The following MNAT1 variants were observed in gnomAD, a reference collection of about 807,000 sequenced individuals.
The protein encoded by MNAT1 is MNAT1 component of CDK activating kinase, also known as CDK-activating kinase assembly factor MAT1.
Under a neutral mutation model 42.0 loss-of-function variants are expected in MNAT1, and 43 were observed. That is an observed-to-expected ratio of 1.02 (90% confidence interval 0.80 to 1.32). The LOEUF (loss-of-function observed/expected upper bound fraction) is 1.32. Ranked by LOEUF, MNAT1 falls within the 40% of genes most tolerant of loss-of-function variation. The pLI is 0.00. For synonymous variants in MNAT1, 118 were observed against 120.0 expected, an observed-to-expected ratio of 0.98 and a Z score of 0.11; for missense variants, 306 against 350.4, an observed-to-expected ratio of 0.87 and a Z score of 1.01.
chr14:60,911,956 A>C (rs1000442979), intron 7 of MNAT1, among the ~76,000 whole-genome samples: 1 of 152,032 alleles, frequency 6.6e-6, no homozygotes, highest in East Asian at 1.9e-4. Flanking sequence ...GTGGGAGTCT[A>C]AGTCTCTTTC....
At chr14:60,890,980 T>G (rs769461272) in intron 7 of MNAT1, among the ~76,000 whole-genome samples, 1 of 152,094 alleles carries the variant, frequency 6.6e-6, no homozygotes, top group Non-Finnish European at 1.5e-5. Context: ...AGTTAGGGAG[T>G]GTTTCTTCCT....
At chr14:60,859,618 A>G (rs1031367025) in intron 6 of MNAT1, among the ~76,000 whole-genome samples, 2 of 152,248 alleles carry the variant, frequency 1.3e-5, no homozygotes, top group Non-Finnish European at 2.9e-5. Context: ...ATTTCTTTAA[A>G]CGCACTACTG....
At chr14:60,829,050 T>C (rs2033143989) in intron 6 of MNAT1, among the ~76,000 whole-genome samples, 2 of 152,036 alleles carry the variant, frequency 1.3e-5, no homozygotes, top group Non-Finnish European at 2.9e-5. Flanking sequence ...ATAGCCAAGA[T>C]TGATAAATGA....
intron 6 of MNAT1, among the ~76,000 whole-genome samples, chr14:60,859,987 C>T (rs1355248130): frequency 1.3e-5 from 2 of 152,156 alleles, no homozygotes; most frequent in Admixed American, 1.3e-4. Context: ...CTAGGCTTAA[C>T]TTTAAGAAAG....
At chr14:60,832,283 T>C (rs1002261214) in intron 6 of MNAT1, among the ~76,000 whole-genome samples, 23 of 152,154 alleles carry the variant, frequency 1.5e-4, no homozygotes, top group South Asian at 4.1e-4. Flanking sequence ...ATTACCTAGG[T>C]TTTCTTTCAG....
intron 7 of MNAT1, among the ~76,000 whole-genome samples, chr14:60,923,772 A>G (rs1008764309): frequency 6.6e-6 from 1 of 152,170 alleles, no homozygotes; most frequent in Non-Finnish European, 1.5e-5. Flanking sequence ...TGAGGCCAGG[A>G]GTTTGAGACC....
chr14:60,790,933 G>C (rs1229529014), intron 1 of MNAT1, among the ~76,000 whole-genome samples: 2 of 152,020 alleles, frequency 1.3e-5, no homozygotes, highest in African/African-American at 4.8e-5. Context: ...TTCCATAAAG[G>C]ATTTAAATTT....
chr14:60,929,314 C>T (rs1225606839), intron 7 of MNAT1, among the ~76,000 whole-genome samples: 1 of 150,428 alleles, frequency 6.6e-6, no homozygotes, highest in Admixed American at 6.6e-5. Flanking sequence ...CCAATTTTTT[C>T]TTTTATGGAT....
rs1481541429 is a variant in MNAT1 at position 60,907,278 on chromosome 14, C to G, written c.809+27443C>G. ...TGAAACCTCGTTTCTACTAAAAATACAAAAATTAGCCGGGTGTGGTGGCAC... is the reference window on the plus strand; with the variant it reads ...TGAAACCTCGTTTCTACTAAAAATAGAAAAATTAGCCGGGTGTGGTGGCAC... On this transcript the variant is annotated intron_variant, in intron 7 of 7. Transcript: ENST00000261245. Among the ~76,000 whole-genome samples the G allele has an allele frequency of 3.3e-5, 5 of 151,574 alleles. No individual in the cohort carries two copies. The East Asian group carries it at 7.8e-4, about 24-fold the overall frequency.
At chr14:60,800,951 ACTC>A (rs2032184201) in intron 3 of MNAT1, among the ~76,000 whole-genome samples, 1 of 152,138 alleles carries the variant, frequency 6.6e-6, no homozygotes, top group Non-Finnish European at 1.5e-5. Flanking sequence ...ATAAGCTCAG[ACTC>A]TAAAGGGGGA....
chr14:60,764,604 G>A (rs1212421277), intron 1 of MNAT1, among the ~76,000 whole-genome samples: 1 of 152,148 alleles, frequency 6.6e-6, no homozygotes, highest in Non-Finnish European at 1.5e-5. Flanking sequence ...GAGAGGATTT[G>A]GTGATTCTGT....
chr14:60,767,557 A>C (rs1331153815), intron 1 of MNAT1, among the ~76,000 whole-genome samples: 1 of 152,098 alleles, frequency 6.6e-6, no homozygotes, highest in African/African-American at 2.4e-5. Context: ...TTGATCTTGG[A>C]GGCAAGAACA....
chr14:60,954,856 T>C (rs1202396066), intron 7 of MNAT1, among the ~76,000 whole-genome samples: 2 of 152,056 alleles, frequency 1.3e-5, no homozygotes. Context: ...TATCGTATTT[T>C]ATATATATAT....
intron 7 of MNAT1, among the ~76,000 whole-genome samples, chr14:60,925,238 CA>C (rs2035743463): frequency 6.6e-6 from 1 of 151,910 alleles, no homozygotes; most frequent in South Asian, 2.1e-4. Context: ...CCCTGGTGTC[CA>C]GGGGGGTGAA....
intron 1 of MNAT1, among the ~76,000 whole-genome samples, chr14:60,770,662 T>C (rs2031016267): frequency 6.6e-6 from 1 of 152,188 alleles, no homozygotes; most frequent in Non-Finnish European, 1.5e-5. Context: ...AGCAGTGGGA[T>C]TGTGGGATCA....
intron 7 of MNAT1, among the ~76,000 whole-genome samples, chr14:60,890,737 A>C (rs2034822595): frequency 6.6e-6 from 1 of 152,154 alleles, no homozygotes; most frequent in East Asian, 1.9e-4. Context: ...AGTCTGGAAG[A>C]CTCAGCAAGT....
At chr14:60,766,226 T>C (rs962427396) in intron 1 of MNAT1, among the ~76,000 whole-genome samples, 4 of 151,450 alleles carry the variant, frequency 2.6e-5, no homozygotes, top group African/African-American at 7.3e-5. Context: ...TGGGCGCCCA[T>C]AATCCCAGCT....
rs536666070 is a variant in MNAT1 at position 60,748,365 on chromosome 14, C to T, written c.89+13414C>T. Among the ~76,000 whole-genome samples the T allele has an allele frequency of 7.9e-5, 12 of 152,148 alleles. No individual in the cohort carries two copies. The East Asian group carries it at 1.2e-3, about 15-fold the overall frequency. ...TCAGCTGTAGCCTTCTGAATAGCTG[C>T]GACTCCAGGTTGGCGCCACTGTGCC... On this transcript the variant is annotated intron_variant, in intron 1 of 7. Transcript: ENST00000261245.
intron 1 of MNAT1, among the ~76,000 whole-genome samples, chr14:60,737,271 A>G (rs965734649): frequency 6.6e-6 from 1 of 152,146 alleles, no homozygotes; most frequent in South Asian, 2.1e-4. Flanking sequence ...AGAGGTGACA[A>G]CTTTTAGGTT....
Sources: allele counts gnomAD v4.1 joint callset (sites outside exome capture counted in the v4.1 genomes callset), GRCh38; gene constraint gnomAD v4.1.1; transcripts MANE v1.5; gene names NCBI Gene and HGNC (gene_info 2026-07-23, HGNC 2026-07-21).